LARGE1: variants seen among roughly 807,000 people sequenced by gnomAD.
The protein encoded by LARGE1 is xylosyl- and glucuronyltransferase LARGE1.
A neutral mutation model predicts 87.6 loss-of-function variants in LARGE1; 43 were observed. The ratio of observed to expected loss-of-function variants is 0.49; its 90% CI spans 0.38 to 0.63. The LOEUF (loss-of-function observed/expected upper bound fraction) is 0.63, where lower values mean the gene tolerates loss of function less well. LARGE1 is among the 30% of genes least tolerant of loss of function. LARGE1 has a pLI of 0.00. For missense variants in LARGE1, 802 were observed against 1,000.2 expected (o/e 0.80, Z 2.67); for synonymous variants, 434 against 394.6 (o/e 1.10, Z -1.18).
intron 7 of LARGE1, among the ~76,000 whole-genome samples, chr22:33,392,485 C>T (rs1322973505): frequency 6.6e-6 from 1 of 152,020 alleles, no homozygotes; most frequent in Non-Finnish European, 1.5e-5. Flanking sequence ...ACGGCAAAAC[C>T]CTGTCTCTAC....
At chr22:33,495,258 C>G (rs1328324921) in intron 6 of LARGE1, among the ~76,000 whole-genome samples, 1 of 152,204 alleles carries the variant, frequency 6.6e-6, no homozygotes, top group East Asian at 1.9e-4. Flanking sequence ...CTTTGAGTCT[C>G]CATCGTGTTG....
At chr22:33,546,968 G>C (rs1287816622) in intron 6 of LARGE1, among the ~76,000 whole-genome samples, 1 of 152,206 alleles carries the variant, frequency 6.6e-6, no homozygotes, top group African/African-American at 2.4e-5. Context: ...AAATCAACTC[G>C]TAATAGTGGA....
At chr22:33,723,096 C>G (rs946723400) in intron 2 of LARGE1, among the ~76,000 whole-genome samples, 1 of 152,072 alleles carries the variant, frequency 6.6e-6, no homozygotes, top group Admixed American at 6.6e-5. Flanking sequence ...ATACGAAAGG[C>G]TGGAGGATAA....
intron 9 of LARGE1, among the ~76,000 whole-genome samples, chr22:33,373,719 A>G (rs2064897539): frequency 6.6e-6 from 1 of 152,096 alleles, no homozygotes; most frequent in Non-Finnish European, 1.5e-5. Flanking sequence ...TTATGCCTGT[A>G]ATCCCAACAC....
chr22:33,213,012 C>G (rs557402816), intron 11 of LARGE1, among the ~76,000 whole-genome samples: 1 of 145,054 alleles, frequency 6.9e-6, no homozygotes, highest in East Asian at 2.0e-4. Context: ...AGCAAGACTC[C>G]GTCTGAAAAA....
At chr22:33,244,701 A>G (rs985544811) in intron 11 of LARGE1, among the ~76,000 whole-genome samples, 2 of 152,228 alleles carry the variant, frequency 1.3e-5, no homozygotes, top group Non-Finnish European at 2.9e-5. Context: ...ACAGCTAAGG[A>G]TCTTCAACTG....
At chr22:33,894,870 G>A (rs1302868111) in intron 1 of LARGE1, among the ~76,000 whole-genome samples, 2 of 152,130 alleles carry the variant, frequency 1.3e-5, no homozygotes, top group African/African-American at 4.8e-5. Context: ...TCAAAAAATG[G>A]CAGTGGCACT....
chr22:33,102,010 T>G, the LARGE1 span, among the ~76,000 whole-genome samples: 1 of 152,182 alleles, frequency 6.6e-6, no homozygotes, highest in African/African-American at 2.4e-5. Flanking sequence ...TGAAATGAAA[T>G]CTGTGATTCT....
chr22:33,782,368 G>A (rs985749126), intron 1 of LARGE1, among the ~76,000 whole-genome samples: 5 of 152,120 alleles, frequency 3.3e-5, no homozygotes, highest in Admixed American at 6.5e-5. Context: ...TGCATATGGG[G>A]TTTCTTTTGG....
chr22:33,577,733 C>T (rs978344694), intron 5 of LARGE1, among the ~76,000 whole-genome samples: 1 of 152,354 alleles, frequency 6.6e-6, no homozygotes, highest in Non-Finnish European at 1.5e-5. Context: ...TGCGGAGATA[C>T]ACCTTGCAGG....
chr22:33,520,556 C>T (rs939963544), intron 6 of LARGE1, among the ~76,000 whole-genome samples: 5 of 152,238 alleles, frequency 3.3e-5, no homozygotes, highest in African/African-American at 4.8e-5. Flanking sequence ...TCCCCACCAA[C>T]ACCTGCCCCC....
chr22:33,467,040 GA>G (rs1216257484), intron 6 of LARGE1, among the ~76,000 whole-genome samples: 10 of 151,458 alleles, frequency 6.6e-5, no homozygotes, highest in Non-Finnish European at 1.0e-4. Context: ...AAAACTCTCT[GA>G]AAAAAAAGAG....
At chr22:33,512,213 T>G (rs2071088610) in intron 6 of LARGE1, among the ~76,000 whole-genome samples, 1 of 152,320 alleles carries the variant, frequency 6.6e-6, no homozygotes, top group Middle Eastern at 3.4e-3. Flanking sequence ...AATCATACTA[T>G]GCTAATTTAT....
At chr22:33,876,406 G>A (rs1321318897) in intron 1 of LARGE1, among the ~76,000 whole-genome samples, 1 of 152,138 alleles carries the variant, frequency 6.6e-6, no homozygotes, top group Non-Finnish European at 1.5e-5. Flanking sequence ...CACTGGTAAT[G>A]TCCTATTTCT....
intron 1 of LARGE1, among the ~76,000 whole-genome samples, chr22:33,813,786 G>A (rs2086570807): frequency 6.6e-6 from 1 of 152,082 alleles, no homozygotes; most frequent in Non-Finnish European, 1.5e-5. Flanking sequence ...CCAAACTCTT[G>A]CATTCTACGA....
intron 9 of LARGE1, among the ~76,000 whole-genome samples, chr22:33,357,289 G>C (rs1940982595): frequency 1.3e-5 from 2 of 151,556 alleles, no homozygotes; most frequent in Admixed American, 1.3e-4. Flanking sequence ...TTTTAAGTGG[G>C]AGCTAAATAG....
chr22:33,140,052 G>A, the LARGE1 span, among the ~76,000 whole-genome samples: 1 of 152,198 alleles, frequency 6.6e-6, no homozygotes, highest in South Asian at 2.1e-4. Flanking sequence ...GAGTTGGGTG[G>A]GAGAGGTTAG....
At chr22:33,099,030 T>C in the LARGE1 span, among the ~76,000 whole-genome samples, 1 of 152,190 alleles carries the variant, frequency 6.6e-6, no homozygotes, top group Admixed American at 6.5e-5. Context: ...AACCACCCCT[T>C]TGAGTTACCC....
At chr22:33,208,065 C>T (rs12484183) in intron 11 of LARGE1, among the ~76,000 whole-genome samples, 4,607 of 152,248 alleles carry the variant, frequency 0.03, 94 homozygotes, top group Admixed American at 0.057. Flanking sequence ...GAAAGCCATG[C>T]TTTCATTTTA....
Sources: allele counts gnomAD v4.1 joint callset (sites outside exome capture counted in the v4.1 genomes callset), GRCh38; gene constraint gnomAD v4.1.1; transcripts MANE v1.5; gene names NCBI Gene and HGNC (gene_info 2026-07-23, HGNC 2026-07-21).